IL5: variants seen among roughly 807,000 people sequenced by gnomAD.
IL5 encodes the protein interleukin 5, also known as interleukin-5.
In IL5, 12 loss-of-function variants were observed where a neutral mutation model predicts 16.3. That is an observed-to-expected ratio of 0.74 (90% CI 0.47 to 1.20). IL5 has a LOEUF of 1.20. Among genes scored for constraint, IL5 ranks in the 50% most tolerant of loss-of-function variants. IL5 has a pLI of 0.00. For missense variants in IL5, 159 were observed against 153.9 expected (o/e 1.03, Z -0.17); for synonymous variants, 54 against 56.6 (o/e 0.95, Z 0.21).
chr5:132,552,320 C>T (rs1749897166), intron 1 of IL5, among the ~76,000 whole-genome samples: 1 of 152,082 alleles, frequency 6.6e-6, no homozygotes. Flanking sequence ...AAGAAGTTCT[C>T]TATTAGGTAT....
At chr5:132,551,129 C>T (rs1749876873) in intron 1 of IL5, among the ~76,000 whole-genome samples, 1 of 152,046 alleles carries the variant, frequency 6.6e-6, no homozygotes, top group African/African-American at 2.4e-5. Flanking sequence ...ATAAAGAAAG[C>T]TTGGATATTC....
chr5:132,552,037 T>C (rs1018295372), intron 1 of IL5, among the ~76,000 whole-genome samples: 3 of 152,116 alleles, frequency 2.0e-5, no homozygotes, highest in African/African-American at 4.8e-5. Flanking sequence ...CCCAGCACTT[T>C]GGGAGGGTGG....
chr5:132,547,994 A>C (rs1364587458), upstream of IL5, among the ~76,000 whole-genome samples: 1 of 152,168 alleles, frequency 6.6e-6, no homozygotes, highest in African/African-American at 2.4e-5. Flanking sequence ...ACTTGAACCC[A>C]GGAGGCAGAG....
At chr5:132,542,259 A>C (rs1749709692) in intron 2 of IL5, 116 bp from the exon 3 acceptor site, 1 of 481,358 alleles carries the variant, frequency 2.1e-6, no homozygotes, top group South Asian at 5.9e-5. Flanking sequence ...CACAATAAAT[A>C]TATATACTTT....
intron 1 of IL5, among the ~76,000 whole-genome samples, chr5:132,551,015 A>AT (rs1485728769): frequency 2.0e-5 from 3 of 152,234 alleles, no homozygotes; most frequent in African/African-American, 7.2e-5. Flanking sequence ...TCCTAATGAT[A>AT]TTAACTCTGG....
At chr5:132,555,571 A>G (rs1324195117) in intron 1 of IL5, among the ~76,000 whole-genome samples, 1 of 152,214 alleles carries the variant, frequency 6.6e-6, no homozygotes, top group Non-Finnish European at 1.5e-5. Context: ...GCTGGAGTGC[A>G]GTGGTGCGGT....
chr5:132,544,265 G>A (rs1415139982), upstream of IL5, among the ~76,000 whole-genome samples: 4 of 152,176 alleles, frequency 2.6e-5, no homozygotes, highest in Non-Finnish European at 5.9e-5. Flanking sequence ...AGCAAGCTGT[G>A]CTTTTCTGAT....
At chr5:132,542,798 G>A (rs574606812) in intron 2 of IL5, among the ~76,000 whole-genome samples, 6 of 152,216 alleles carry the variant, frequency 3.9e-5, no homozygotes, top group South Asian at 2.1e-4. Context: ...AGAACTGCAC[G>A]GAGACTAGCA....
At chr5:132,545,688 A>G (rs903401359), upstream of IL5, among the ~76,000 whole-genome samples, 6 of 152,314 alleles carry the variant, frequency 3.9e-5, no homozygotes, top group African/African-American at 1.4e-4. Context: ...GGTGCTGCTC[A>G]GCTCCAGCTG....
At chr5:132,555,431 CAA>C (rs572790901) in intron 1 of IL5, among the ~76,000 whole-genome samples, 134 of 152,270 alleles carry the variant, frequency 8.8e-4, no homozygotes, top group African/African-American at 3.1e-3. Context: ...GTTTGTTTTG[CAA>C]AGTGAAAAGA....
intron 1 of IL5, among the ~76,000 whole-genome samples, chr5:132,550,761 G>C (rs1050828764): frequency 6.6e-6 from 1 of 152,180 alleles, no homozygotes; most frequent in African/African-American, 2.4e-5. Context: ...GGCTTTAAAG[G>C]TTTTGCTAAT....
chr5:132,552,006 G>C (rs938965430), intron 1 of IL5, among the ~76,000 whole-genome samples: 6 of 152,176 alleles, frequency 3.9e-5, no homozygotes, highest in Non-Finnish European at 7.3e-5. Flanking sequence ...CAGGCTGGGC[G>C]CAGCGGCTCA....
At chr5:132,547,804 T>C (rs1027348484), upstream of IL5, among the ~76,000 whole-genome samples, 1 of 152,082 alleles carries the variant, frequency 6.6e-6, no homozygotes, top group African/African-American at 2.4e-5. Context: ...GCATGATGGG[T>C]CAGGTCTGTA....
chr5:132,549,856 A>G (rs1187437425), intron 1 of IL5, among the ~76,000 whole-genome samples: 2 of 152,196 alleles, frequency 1.3e-5, no homozygotes, highest in Non-Finnish European at 2.9e-5. Context: ...TCGAAATTCT[A>G]TCCTTTCAAT....
At position 132,554,120 on chromosome 5, in the gene IL5, C is replaced by T. The variant is rs372180485; in HGVS notation, c.42+2554G>A. Among the ~76,000 whole-genome samples, 72 of 151,936 alleles carry T rather than the reference C, an allele frequency of 4.7e-4. 1 individual carries two copies. In the East Asian group the frequency reaches 0.013, roughly 28 times the overall value. On this transcript the variant is annotated intron_variant, in intron 1 of 2. Transcript: ENST00000450655. ...CAGTGGCTCACACCTGTAATCCCAG[C>T]ACTTTGGGAGGCCGAGGCGGGTGGA... is the stretch of plus-strand genomic sequence containing the variant.
chr5:132,551,385 C>T (rs990621676), intron 1 of IL5, among the ~76,000 whole-genome samples: 3 of 152,170 alleles, frequency 2.0e-5, no homozygotes, highest in Non-Finnish European at 4.4e-5. Context: ...ATAACATTCA[C>T]GAGAAAACAA....
At chr5:132,549,169 C>T (rs961905837) in intron 1 of IL5, among the ~76,000 whole-genome samples, 2 of 152,208 alleles carry the variant, frequency 1.3e-5, no homozygotes, top group Non-Finnish European at 2.9e-5. Context: ...GATTCTCCTG[C>T]CTCAGCTTCC....
At chr5:132,554,451 G>C (rs935832650) in intron 1 of IL5, among the ~76,000 whole-genome samples, 1 of 151,172 alleles carries the variant, frequency 6.6e-6, no homozygotes, top group African/African-American at 2.4e-5. Context: ...ATGAAATGAT[G>C]CTACTAATAA....
At chr5:132,552,067 G>A (rs1012125971) in intron 1 of IL5, among the ~76,000 whole-genome samples, 10 of 152,084 alleles carry the variant, frequency 6.6e-5, no homozygotes, top group African/African-American at 2.4e-4. Flanking sequence ...TCAAGAGATC[G>A]AGACCATCCT....
Sources: gnomAD v4.1 joint callset for allele counts (sites outside exome capture counted in the v4.1 genomes callset) on GRCh38, gnomAD v4.1.1 for gene constraint, MANE v1.5 for transcripts, NCBI Gene and HGNC (gene_info 2026-07-23, HGNC 2026-07-21) for gene names.